Variants in TRPC4 observed in about 807,000 individuals in gnomAD.
The protein encoded by TRPC4 is short transient receptor potential channel 4.
Under a neutral mutation model 99.4 loss-of-function variants are expected in TRPC4, and 49 were observed. The observed-to-expected ratio is 0.49, with a 90% confidence interval of 0.39 to 0.63. TRPC4 has a LOEUF of 0.63. TRPC4 is among the 20% of genes least tolerant of loss of function. TRPC4 has a pLI of 0.00. For missense variants in TRPC4, 898 were observed against 1,152.9 expected (o/e 0.78, Z 3.20); for synonymous variants, 454 against 425.9 (o/e 1.07, Z -0.81).
intron 3 of TRPC4, among the ~76,000 whole-genome samples, chr13:37,706,270 C>A (rs901605083): frequency 6.6e-6 from 1 of 152,120 alleles, no homozygotes; most frequent in African/African-American, 2.4e-5. Context: ...CCACAGAAAA[C>A]CCTGGTTGAA....
intron 10 of TRPC4, among the ~76,000 whole-genome samples, chr13:37,638,437 T>C (rs1057156735): frequency 6.6e-6 from 1 of 152,166 alleles, no homozygotes; most frequent in Non-Finnish European, 1.5e-5. Flanking sequence ...ATATCTCCTA[T>C]AGATTTTTTT....
intron 2 of TRPC4, among the ~76,000 whole-genome samples, chr13:37,775,099 G>A (rs1855253): frequency 0.45 from 68,541 of 151,372 alleles, 15,817 homozygotes; most frequent in Middle Eastern, 0.5. Flanking sequence ...CAAAACCCAC[G>A]TATGAAAGAT....
chr13:37,679,906 G>T (rs1953180033), intron 4 of TRPC4, among the ~76,000 whole-genome samples: 1 of 152,162 alleles, frequency 6.6e-6, no homozygotes, highest in Non-Finnish European at 1.5e-5. Flanking sequence ...GCGAAAAAAT[G>T]CTTGGCACAC....
At chr13:37,751,702 TTTACTGAGTC>T (rs1955937998) in intron 2 of TRPC4, among the ~76,000 whole-genome samples, 3 of 152,062 alleles carry the variant, frequency 2.0e-5, no homozygotes. Context: ...TCAACAAATA[TTTACTGAGTC>T]TATTGTCTGG....
chr13:37,662,705 G>A (rs17056400), intron 6 of TRPC4, among the ~76,000 whole-genome samples: 1,794 of 152,302 alleles, frequency 0.012, 47 homozygotes, highest in African/African-American at 0.041. Context: ...CTGGTTAACC[G>A]TCTGTTTGTC....
intron 4 of TRPC4, among the ~76,000 whole-genome samples, chr13:37,684,153 C>T (rs1953369338): frequency 6.6e-6 from 1 of 152,068 alleles, no homozygotes; most frequent in Non-Finnish European, 1.5e-5. Flanking sequence ...ATCAGCCAAC[C>T]ATAATCTGAA....
intron 8 of TRPC4, among the ~76,000 whole-genome samples, chr13:37,641,652 C>T (rs1951716361): frequency 6.6e-6 from 1 of 152,086 alleles, no homozygotes; most frequent in African/African-American, 2.4e-5. Context: ...ACCATTATGC[C>T]CTTCCAGTTC....
intron 2 of TRPC4, among the ~76,000 whole-genome samples, chr13:37,753,316 G>C (rs1489512956): frequency 6.6e-6 from 1 of 151,980 alleles, no homozygotes; most frequent in African/African-American, 2.4e-5. Context: ...AGATGCTTTT[G>C]AATAGCATTA....
rs562676517 is a variant in TRPC4 at position 37,783,285 on chromosome 13, G to C, written c.49C>G (p.Arg17Gly). The change falls in exon 2 of 11, where the codon CGC (arginine) becomes GGC (glycine). Residue 17 changes from arginine (R) to glycine (G), a missense_variant. Around this residue, in one of 3 missense-constraint regions of TRPC4, gnomAD observed 278 missense variants for 346.6 expected, o/e 0.80. Coordinates refer to ENST00000379705, the MANE Select transcript of TRPC4 (RefSeq NM_016179.4). ...KRNVNAPYRD[R>G]IPLRIVRAES... ...GCTCTTACTATCCTTAGAGGGATGC[G>C]GTCTCTATAGGGAGCATTAACATTT... The C allele has an allele frequency of 6.2e-7, 1 of 1,611,970 alleles. No homozygotes were observed. The highest frequency in any genetic ancestry group is 8.5e-7 in the Non-Finnish European group (1 of 1,179,178).
intron 3 of TRPC4, among the ~76,000 whole-genome samples, chr13:37,732,770 T>C (rs759601891): frequency 6.6e-6 from 1 of 152,058 alleles, no homozygotes; most frequent in Non-Finnish European, 1.5e-5. Flanking sequence ...AGGTGAAAGA[T>C]CTTTACAAGG....
chr13:37,681,522 A>C (rs1303404523), intron 4 of TRPC4, among the ~76,000 whole-genome samples: 1 of 152,216 alleles, frequency 6.6e-6, no homozygotes, highest in African/African-American at 2.4e-5. Context: ...CATACCTGTC[A>C]GATGACTGTG....
In TRPC4 at chr13:37,637,630, G is replaced by A. The variant is rs112903780; in HGVS notation, c.2212-5C>T. 1 of 1,556,994 alleles carries A rather than the reference G, an allele frequency of 6.4e-7. No individual in the cohort carries two copies. The highest frequency in any genetic ancestry group is 8.6e-7 in the Non-Finnish European group (1 of 1,157,228). On this transcript the variant is annotated splice_region_variant and splice_polypyrimidine_tract_variant and intron_variant, in intron 10 of 10. Coordinates refer to ENST00000379705, the MANE Select transcript of TRPC4 (RefSeq NM_016179.4). ...AGAAATGTCTTGCTTTAGTTCCTAC[G>A]TAGAATTTAAAATGAAAAATTCGGT...
At chr13:37,827,169 T>C (rs1344841378) in intron 1 of TRPC4, among the ~76,000 whole-genome samples, 1 of 152,096 alleles carries the variant, frequency 6.6e-6, no homozygotes, top group Non-Finnish European at 1.5e-5. Context: ...TAGTTATACA[T>C]TCTTCTAATT....
chr13:37,805,078 C>G (rs1217850110), intron 1 of TRPC4, among the ~76,000 whole-genome samples: 1 of 151,984 alleles, frequency 6.6e-6, no homozygotes, highest in African/African-American at 2.4e-5. Flanking sequence ...GAAGGTAACA[C>G]ATTGACCTCT....
At chr13:37,745,905 C>T (rs1467841687) in intron 3 of TRPC4, 32 bp downstream of exon 3, 1 of 1,583,778 alleles carries the variant, frequency 6.3e-7, no homozygotes, top group African/African-American at 1.3e-5. Flanking sequence ...AACTCTATGG[C>T]ATTTTGATGG....
chr13:37,731,637 T>C lies in TRPC4; in HGVS notation c.897+14300A>G, dbSNP rs1457843506. Among the ~76,000 whole-genome samples the C allele has an allele frequency of 2.0e-5, 3 of 152,104 alleles. No individual in the cohort carries two copies. In the East Asian group the frequency reaches 5.8e-4, roughly 29 times the overall value. The stretch of plus-strand genomic sequence containing the variant: ...GCTATGTGAATAATATTTTTGGAAA[T>C]ATTTGTTGGACCAGATGAATGTCAA... On this transcript the variant is annotated intron_variant, in intron 3 of 10. Transcript: ENST00000379705.
chr13:37,837,099 T>C (rs899530791), intron 1 of TRPC4, among the ~76,000 whole-genome samples: 1 of 152,192 alleles, frequency 6.6e-6, no homozygotes, highest in Non-Finnish European at 1.5e-5. Flanking sequence ...AAGTCAAGAA[T>C]TGGGGTTTGG....
chr13:37,844,758 C>A (rs188461322), intron 1 of TRPC4, among the ~76,000 whole-genome samples: 1 of 152,262 alleles, frequency 6.6e-6, no homozygotes, highest in Non-Finnish European at 1.5e-5. Flanking sequence ...AAACCAGTAA[C>A]TCCACAAAAC....
intron 5 of TRPC4, among the ~76,000 whole-genome samples, chr13:37,672,349 C>T (rs188826305): frequency 6.6e-6 from 1 of 152,316 alleles, no homozygotes; most frequent in East Asian, 1.9e-4. Flanking sequence ...TCTCACAGTT[C>T]TCTGAGCTGT....
Sources: allele counts gnomAD v4.1 joint callset (sites outside exome capture counted in the v4.1 genomes callset), GRCh38; gene constraint gnomAD v4.1.1; regional missense constraint gnomAD v4.1.1; transcripts MANE v1.5; gene names NCBI Gene and HGNC (gene_info 2026-07-23, HGNC 2026-07-21).